Variants in DYNLRB1 observed in about 807,000 individuals in gnomAD.
DYNLRB1 encodes the protein dynein light chain roadblock-type 1, also known as ROBL/LC7-like 1.
In DYNLRB1, 6 loss-of-function variants were observed where a neutral mutation model predicts 13.5. The observed-to-expected ratio is 0.44, with a 90% CI of 0.24 to 0.88. The LOEUF (loss-of-function observed/expected upper bound fraction) is 0.88. Ranked by LOEUF, DYNLRB1 falls within the 40% of genes least tolerant of loss-of-function variation. The pLI, the probability that DYNLRB1 is intolerant of heterozygous loss-of-function variation, is 0.21. For missense variants in DYNLRB1, 93 were observed against 127.2 expected, an observed-to-expected ratio of 0.73 and a Z score of 1.29; for synonymous variants, 43 against 45.0, an observed-to-expected ratio of 0.96 and a Z score of 0.18.
chr20:34,526,381 G>A (rs753705467), intron 2 of DYNLRB1, 38 bp downstream of exon 2: 34 of 1,609,316 alleles, frequency 2.1e-5, no homozygotes, highest in Non-Finnish European at 2.9e-5. Flanking sequence ...CACCCAGGCA[G>A]GCCCAGAAGC....
At chr20:34,538,914 C>A (rs1981378417) in intron 3 of DYNLRB1, among the ~76,000 whole-genome samples, 1 of 152,214 alleles carries the variant, frequency 6.6e-6, no homozygotes, top group South Asian at 2.1e-4. Flanking sequence ...TGGATTTACC[C>A]TGGATTGGGC....
At chr20:34,535,788 C>T (rs1281905696) in intron 3 of DYNLRB1, 1 of 985,166 alleles carries the variant, frequency 1.0e-6, no homozygotes, top group African/African-American at 1.7e-5. Flanking sequence ...ACACCTAACT[C>T]AGTTGCATGG....
intron 2 of DYNLRB1, among the ~76,000 whole-genome samples, chr20:34,527,505 C>T (rs1037683134): frequency 3.3e-5 from 5 of 152,158 alleles, no homozygotes; most frequent in Admixed American, 1.3e-4. Flanking sequence ...ATTGGGTTCC[C>T]CTGTTGGGTT....
In DYNLRB1 at chr20:34,540,781, A is replaced by T. The variant is rs1044544489; in HGVS notation, c.*157A>T. 1.9e-5 allele frequency: 13 copies of T among 695,798 alleles called. No homozygotes were observed. Among genetic ancestry groups the T allele is most frequent in the Admixed American group, 9.4e-5 (3 of 32,082 alleles). The allele number at this position is 695,798 out of a possible 1,614,324, so 43.1% of individuals were successfully genotyped here. A position where few individuals can be genotyped will look rare whatever the true frequency, so the allele number is the denominator to read the frequency against. On this transcript the variant is annotated 3_prime_UTR_variant, in exon 4 of 4. Coordinates refer to ENST00000357156, the MANE Select transcript of DYNLRB1 (RefSeq NM_014183.4). ...GGCTGGCGGCTCTTCTCCCCCACCA[A>T]CGGAACCCCTGTGTGCACCAACCTT...
chr20:34,530,342 T>C (rs982017172), intron 2 of DYNLRB1: 2 of 959,732 alleles, frequency 2.1e-6, no homozygotes, highest in East Asian at 1.1e-4. Context: ...ACTTAACTTA[T>C]CAGCTATGTG....
intron 2 of DYNLRB1, chr20:34,529,956 G>C: frequency 7.1e-7 from 1 of 1,399,292 alleles, no homozygotes; most frequent in Non-Finnish European, 9.3e-7. Context: ...CCCCGCTTCA[G>C]CCCTCAACTG....
In DYNLRB1 at chr20:34,540,869, C is replaced by T; in HGVS notation, c.*245C>T. The T allele has an allele frequency of 2.1e-6, 1 of 467,582 alleles. No individual in the cohort carries two copies. Among genetic ancestry groups the T allele is most frequent in the Non-Finnish European group, 3.7e-6 (1 of 266,668 alleles). 29.0% of individuals were successfully genotyped at this position (467,582 alleles called of 1,614,324 possible). ...TTTTGGAGCAAGAGCTTGCAGGAAG[C>T]CCGCACCCAGCTTCCTTCTGACCTT... On this transcript the variant is annotated 3_prime_UTR_variant, in exon 4 of 4. Coordinates refer to ENST00000357156, the MANE Select transcript of DYNLRB1 (RefSeq NM_014183.4).
chr20:34,534,095 A>C (rs1980930570), intron 2 of DYNLRB1, among the ~76,000 whole-genome samples: 1 of 152,146 alleles, frequency 6.6e-6, no homozygotes, highest in Non-Finnish European at 1.5e-5. Flanking sequence ...GAGCCACTGC[A>C]CTCCAGCCTG....
rs570188683 is a variant in DYNLRB1 at position 34,533,798 on chromosome 20, G to A, written c.80-830G>A. On this transcript the variant is annotated intron_variant, in intron 2 of 3. Coordinates refer to ENST00000357156, the MANE Select transcript of DYNLRB1 (RefSeq NM_014183.4). Reference sequence around the variant, plus strand: ...TGCACCATTGCACTCCAGCCTGGGCGACACAGCAAGACTCCATCTCAAAAA... The same window carrying A: ...TGCACCATTGCACTCCAGCCTGGGCAACACAGCAAGACTCCATCTCAAAAA... Among the ~76,000 whole-genome samples, 118 of 147,166 alleles carry A rather than the reference G, an allele frequency of 8.0e-4. 1 individual carries two copies. The highest frequency in any genetic ancestry group is 2.7e-3 in the African/African-American group (106 of 39,610).
intron 1 of DYNLRB1, among the ~76,000 whole-genome samples, chr20:34,525,011 C>T (rs897190008): frequency 5.9e-5 from 9 of 152,318 alleles, no homozygotes; most frequent in African/African-American, 2.2e-4. Context: ...AGGCATGAGC[C>T]GCCGCACCGG....
chr20:34,537,985 C>CTTTTTTTTTTTTTT (rs67763754), intron 3 of DYNLRB1, among the ~76,000 whole-genome samples: 1 of 94,876 alleles, frequency 1.1e-5, no homozygotes. Context: ...CGTGAACAGG[C>CTTTTTTTTTTTTTT]TTTTTTTTTT....
At chr20:34,530,084 G>A in intron 2 of DYNLRB1, 6 of 1,238,336 alleles carry the variant, frequency 4.8e-6, no homozygotes, top group Non-Finnish European at 6.1e-6. Context: ...TTGACTCCAA[G>A]GAGACAACCC....
At chr20:34,525,517 T>C (rs534746093) in intron 1 of DYNLRB1, among the ~76,000 whole-genome samples, 14 of 152,158 alleles carry the variant, frequency 9.2e-5, no homozygotes, top group African/African-American at 3.4e-4. Flanking sequence ...AGATGATGTC[T>C]TAGATGGTCA....
intron 3 of DYNLRB1, 165 bp downstream of exon 3, chr20:34,534,960 G>A (rs1378523416): frequency 6.8e-7 from 1 of 1,478,690 alleles, no homozygotes; most frequent in Non-Finnish European, 8.9e-7. Context: ...TCCAGCTGGT[G>A]TCCCATAGCA....
At chr20:34,516,700 C>T in intron 1 of DYNLRB1, 3 of 1,512,976 alleles carry the variant, frequency 2.0e-6, no homozygotes, top group African/African-American at 1.4e-5. Context: ...GGAGCCCAGC[C>T]TCGGCCAGGA....
chr20:34,518,597 G>A (rs1474369771), intron 1 of DYNLRB1, among the ~76,000 whole-genome samples: 1 of 150,876 alleles, frequency 6.6e-6, no homozygotes, highest in African/African-American at 2.4e-5. Flanking sequence ...ACTGGTGCAC[G>A]CCACCACACC....
chr20:34,540,776 C>A lies in DYNLRB1; in HGVS notation c.*152C>A, dbSNP rs532879135. ...GTGTGGGCTGGCGGCTCTTCTCCCC[C>A]ACCAACGGAACCCCTGTGTGCACCA... On this transcript the variant is annotated 3_prime_UTR_variant, in exon 4 of 4. Transcript: ENST00000357156. The A allele has an allele frequency of 1.2e-5, 9 of 733,064 alleles. No individual in the cohort carries two copies. The South Asian group carries it at 1.7e-4, about 14-fold the overall frequency. 45.4% of individuals were successfully genotyped at this position (733,064 alleles called of 1,614,324 possible).
chr20:34,536,783 C>A (rs1247590295), intron 3 of DYNLRB1, among the ~76,000 whole-genome samples: 2 of 151,590 alleles, frequency 1.3e-5, no homozygotes, highest in East Asian at 3.9e-4. Context: ...CGGGAACAGT[C>A]CCCCTGCTCA....
intron 1 of DYNLRB1, 48 bp downstream of exon 1, chr20:34,516,509 C>T (rs909459086): frequency 6.2e-7 from 1 of 1,609,086 alleles, no homozygotes; most frequent in Non-Finnish European, 8.5e-7. Flanking sequence ...CACCACCCCA[C>T]GCCAGGCCTT....
Sources: allele counts gnomAD v4.1 joint callset (sites outside exome capture counted in the v4.1 genomes callset), GRCh38; gene constraint gnomAD v4.1.1; transcripts MANE v1.5; gene names NCBI Gene and HGNC (gene_info 2026-07-23, HGNC 2026-07-21).